The following ROBO2 variants were observed in gnomAD, a reference collection of about 807,000 sequenced individuals.
ROBO2 encodes the protein roundabout guidance receptor 2.
Under a neutral mutation model 160.8 loss-of-function variants are expected in ROBO2, and 53 were observed. The observed-to-expected ratio is 0.33, with a 90% CI of 0.26 to 0.41. The LOEUF (loss-of-function observed/expected upper bound fraction) is 0.41, where lower values mean the gene tolerates loss of function less well. ROBO2 is among the 10% of genes least tolerant of loss of function. The probability of loss-of-function intolerance (pLI) is 1.00; values close to 1 mark genes in which losing one functional copy is unlikely to be tolerated. For synonymous variants in ROBO2, 664 were observed against 611.7 expected (o/e 1.09, Z -1.26); for missense variants, 1,577 against 1,722.4 (o/e 0.92, Z 1.49).
chr3:77,530,689 A>T (rs73117945), intron 6 of ROBO2, among the ~76,000 whole-genome samples: 15,774 of 152,058 alleles, frequency 0.1, 1,051 homozygotes, highest in Middle Eastern at 0.18. Flanking sequence ...GGTTGCCACA[A>T]AATCTAGGCA....
intron 2 of ROBO2, among the ~76,000 whole-genome samples, chr3:77,237,508 T>A (rs888212966): frequency 2.0e-5 from 3 of 148,366 alleles, no homozygotes; most frequent in African/African-American, 7.4e-5. Context: ...CCAATGATCC[T>A]CCCACCTTGG....
At chr3:76,741,891 G>T (rs944960756) in intron 2 of ROBO2, among the ~76,000 whole-genome samples, 5 of 151,910 alleles carry the variant, frequency 3.3e-5, no homozygotes, top group African/African-American at 1.2e-4. Flanking sequence ...AGAGGTAAAT[G>T]GCCTTCTTTT....
In ROBO2 at chr3:76,797,570, A is replaced by C. The variant is rs149949467; in HGVS notation, c.110-300444A>C. Among the ~76,000 whole-genome samples the C allele has an allele frequency of 3.6e-3, 554 of 152,072 alleles. 5 individuals are homozygous for C. The highest frequency in any genetic ancestry group is 0.013 in the African/African-American group (528 of 41,568). Reference sequence around the variant, plus strand: ...TACCCAAATACTAGAGGAAAAGAAAAATAAAAAGATCAGATTAGAAAAAAG... The same window carrying C: ...TACCCAAATACTAGAGGAAAAGAAACATAAAAAGATCAGATTAGAAAAAAG... On this transcript the variant is annotated intron_variant, in intron 2 of 26. Transcript: ENST00000487694.
chr3:77,426,656 A>G (rs2078235457), intron 2 of ROBO2, among the ~76,000 whole-genome samples: 1 of 148,778 alleles, frequency 6.7e-6, no homozygotes, highest in African/African-American at 2.5e-5. Context: ...AGGAGTAAAA[A>G]GAATAGCTGA....
At chr3:76,739,525 A>G (rs2093768490) in intron 2 of ROBO2, among the ~76,000 whole-genome samples, 1 of 151,658 alleles carries the variant, frequency 6.6e-6, no homozygotes, top group Non-Finnish European at 1.5e-5. Flanking sequence ...GATATACCTA[A>G]TGCTAGATGA....
At chr3:77,130,058 C>T (rs907250166) in intron 2 of ROBO2, among the ~76,000 whole-genome samples, 1 of 152,106 alleles carries the variant, frequency 6.6e-6, no homozygotes, top group East Asian at 1.9e-4. Context: ...ACTGTGCAAG[C>T]TCTTTTATCT....
chr3:76,494,116 T>C (rs2080004561), intron 2 of ROBO2, among the ~76,000 whole-genome samples: 1 of 152,132 alleles, frequency 6.6e-6, no homozygotes, highest in Non-Finnish European at 1.5e-5. Flanking sequence ...CCACATTGGA[T>C]AAAAGGTGGA....
chr3:76,902,575 A>G (rs1225886751), intron 2 of ROBO2, among the ~76,000 whole-genome samples: 6 of 152,058 alleles, frequency 3.9e-5, no homozygotes. Flanking sequence ...CCCTTTAATA[A>G]TTTCAAATAA....
chr3:76,147,246 CTTAAA>C (rs2071946519), intron 2 of ROBO2, among the ~76,000 whole-genome samples: 2 of 151,494 alleles, frequency 1.3e-5, no homozygotes, highest in Non-Finnish European at 2.9e-5. Context: ...ATCTATGATA[CTTAAA>C]TTTAAGTTTT....
chr3:77,085,129 T>G (rs887590753), intron 1 of ROBO2, among the ~76,000 whole-genome samples: 1 of 151,058 alleles, frequency 6.6e-6, no homozygotes, highest in East Asian at 1.9e-4. Context: ...CTTTATCTAC[T>G]AAAATAACTC....
chr3:76,602,443 A>C (rs2087226740), intron 2 of ROBO2, among the ~76,000 whole-genome samples: 2 of 152,318 alleles, frequency 1.3e-5, no homozygotes, highest in South Asian at 4.1e-4. Flanking sequence ...TAATTTACAA[A>C]AGAAGAGGTT....
intron 2 of ROBO2, among the ~76,000 whole-genome samples, chr3:76,823,223 A>G (rs2066272415): frequency 1.3e-5 from 2 of 152,246 alleles, no homozygotes; most frequent in South Asian, 2.1e-4. Flanking sequence ...GCTTTCTGGT[A>G]TGACAACAAG....
At chr3:77,482,579 A>T (rs2084837597) in intron 4 of ROBO2, among the ~76,000 whole-genome samples, 1 of 152,198 alleles carries the variant, frequency 6.6e-6, no homozygotes, top group Admixed American at 6.6e-5. Context: ...ATAATTTGTT[A>T]AAGGAATTGA....
At chr3:76,487,808 T>C (rs1293021113) in intron 2 of ROBO2, among the ~76,000 whole-genome samples, 1 of 152,206 alleles carries the variant, frequency 6.6e-6, no homozygotes, top group Non-Finnish European at 1.5e-5. Flanking sequence ...CCCCATTTTC[T>C]TGCTGGCTGG....
At chr3:76,451,348 T>C (rs939921789) in intron 2 of ROBO2, among the ~76,000 whole-genome samples, 5 of 152,240 alleles carry the variant, frequency 3.3e-5, no homozygotes, top group Admixed American at 1.3e-4. Flanking sequence ...ATAACCCTTC[T>C]TTTGATTCTT....
At chr3:76,812,909 A>ATTTTTTTTTTTTTTTTTTTTTTTT (rs71104626) in intron 2 of ROBO2, among the ~76,000 whole-genome samples, 3 of 104,656 alleles carry the variant, frequency 2.9e-5, no homozygotes, top group African/African-American at 7.3e-5. Context: ...AGAAGTATAA[A>ATTTTTTTTTTTTTTTTTTTTTTTT]TTTTTTTTTT....
intron 2 of ROBO2, among the ~76,000 whole-genome samples, chr3:76,935,615 A>G (rs1413100744): frequency 6.6e-6 from 1 of 152,100 alleles, no homozygotes; most frequent in Non-Finnish European, 1.5e-5. Flanking sequence ...ATAGTTCTAG[A>G]GGCTGAGAAG....
At chr3:77,275,600 AG>A (rs1277552804) in intron 2 of ROBO2, among the ~76,000 whole-genome samples, 1 of 152,166 alleles carries the variant, frequency 6.6e-6, no homozygotes, top group Non-Finnish European at 1.5e-5. Flanking sequence ...AAGTATCTCC[AG>A]GGTTTTTCTA....
chr3:76,132,403 G>GC (rs1217909240), intron 2 of ROBO2, among the ~76,000 whole-genome samples: 1 of 136,258 alleles, frequency 7.3e-6, no homozygotes, highest in Non-Finnish European at 1.6e-5. Context: ...TTGGGGGGGG[G>GC]GGGGGACGCA....
Sources: allele counts gnomAD v4.1 joint callset (sites outside exome capture counted in the v4.1 genomes callset), GRCh38; gene constraint gnomAD v4.1.1; transcripts MANE v1.5; gene names NCBI Gene and HGNC (gene_info 2026-07-23, HGNC 2026-07-21).